Variants in PCDH9 observed in about 807,000 individuals in gnomAD.
PCDH9 encodes the protein protocadherin-9.
In PCDH9, 24 loss-of-function variants were observed where a neutral mutation model predicts 70.6. The observed-to-expected ratio is 0.34, with a 90% CI of 0.25 to 0.48. PCDH9 has a LOEUF of 0.48. Ranked by LOEUF, PCDH9 falls within the 20% of genes least tolerant of loss-of-function variation. The pLI is 0.99. For synonymous variants in PCDH9, 562 were observed against 558.5 expected (o/e 1.01, Z -0.09); for missense variants, 1,281 against 1,503.6 (o/e 0.85, Z 2.45).
chr13:66,352,291 G>A (rs560710834), intron 4 of PCDH9, among the ~76,000 whole-genome samples: 14 of 152,242 alleles, frequency 9.2e-5, no homozygotes, highest in East Asian at 1.9e-4. Flanking sequence ...AATTCAGAGG[G>A]TTTTTTGACA....
At chr13:66,956,860 C>T (rs536983317) in intron 2 of PCDH9, among the ~76,000 whole-genome samples, 1 of 152,256 alleles carries the variant, frequency 6.6e-6, no homozygotes, top group East Asian at 1.9e-4. Context: ...CTTCCCCTCT[C>T]CCCCCACCAA....
At chr13:66,762,676 T>C (rs1000400136) in intron 3 of PCDH9, among the ~76,000 whole-genome samples, 2 of 152,030 alleles carry the variant, frequency 1.3e-5, no homozygotes, top group African/African-American at 4.8e-5. Flanking sequence ...GATGTTTTGG[T>C]TGGGAGAATG....
chr13:66,316,713 AT>A (rs1955657934), intron 4 of PCDH9, among the ~76,000 whole-genome samples: 1 of 151,862 alleles, frequency 6.6e-6, no homozygotes, highest in South Asian at 2.1e-4. Flanking sequence ...TACTCAGTCA[AT>A]TTTTATCCTC....
intron 2 of PCDH9, among the ~76,000 whole-genome samples, chr13:67,025,382 T>A (rs2084759812): frequency 6.6e-6 from 1 of 152,142 alleles, no homozygotes; most frequent in South Asian, 2.1e-4. Context: ...TGTGTTTCCT[T>A]TTTCTTCATG....
rs528363912 is a variant in PCDH9 at position 66,518,996 on chromosome 13, C to T, written c.3340+112214G>A. Among the ~76,000 whole-genome samples the T allele has an allele frequency of 3.9e-5, 6 of 152,266 alleles. No individual in the cohort carries two copies. In the South Asian group the frequency reaches 1.0e-3, roughly 26 times the overall value. ...AGTCCGGTGTCCCAGATATAATATACATTTTCTCTGGATTCACGTGGAAAG... is the reference window on the plus strand; with the variant it reads ...AGTCCGGTGTCCCAGATATAATATATATTTTCTCTGGATTCACGTGGAAAG... On this transcript the variant is annotated intron_variant, in intron 4 of 4. Coordinates refer to ENST00000377865, the MANE Select transcript of PCDH9 (RefSeq NM_203487.3).
chr13:66,775,959 T>G (rs2079885529), intron 3 of PCDH9, among the ~76,000 whole-genome samples: 2 of 152,136 alleles, frequency 1.3e-5, no homozygotes, highest in Admixed American at 6.5e-5. Flanking sequence ...AATATAAAGG[T>G]GTTTCCATCC....
chr13:66,341,529 C>A (rs1956124652), intron 4 of PCDH9, among the ~76,000 whole-genome samples: 1 of 152,164 alleles, frequency 6.6e-6, no homozygotes, highest in East Asian at 1.9e-4. Context: ...CCAGCCCCCA[C>A]CTCAGATCTC....
At chr13:67,112,570 T>G (rs2086677902) in intron 2 of PCDH9, among the ~76,000 whole-genome samples, 1 of 152,202 alleles carries the variant, frequency 6.6e-6, no homozygotes, top group South Asian at 2.1e-4. Context: ...AAAGAATATG[T>G]GAAGCTACAC....
intron 2 of PCDH9, among the ~76,000 whole-genome samples, chr13:66,966,488 A>T (rs889373777): frequency 4.6e-5 from 7 of 152,142 alleles, no homozygotes; most frequent in Non-Finnish European, 1.0e-4. Context: ...GCTGCCAATA[A>T]GGAGGATGTT....
intron 4 of PCDH9, among the ~76,000 whole-genome samples, chr13:66,343,921 G>T (rs982447697): frequency 2.0e-5 from 3 of 152,014 alleles, no homozygotes; most frequent in African/African-American, 7.2e-5. Context: ...TCTCAATTTT[G>T]CCTAATATAT....
At chr13:66,342,476 GGATA>G (rs1956144894) in intron 4 of PCDH9, among the ~76,000 whole-genome samples, 1 of 152,142 alleles carries the variant, frequency 6.6e-6, no homozygotes, top group African/African-American at 2.4e-5. Context: ...CCTTATAACA[GGATA>G]GTTACTATTA....
intron 2 of PCDH9, among the ~76,000 whole-genome samples, chr13:67,057,949 T>C (rs924028715): frequency 7.1e-6 from 1 of 141,112 alleles, no homozygotes. Flanking sequence ...TAATTATAAA[T>C]GTGTAATTAA....
intron 3 of PCDH9, among the ~76,000 whole-genome samples, chr13:66,860,466 C>T (rs1026788395): frequency 2.8e-4 from 43 of 152,282 alleles, no homozygotes; most frequent in African/African-American, 9.6e-4. Context: ...TTGTGGGAGG[C>T]TCCCGTCAGT....
intron 3 of PCDH9, among the ~76,000 whole-genome samples, chr13:66,721,796 C>T (rs2078944625): frequency 6.6e-6 from 1 of 152,138 alleles, no homozygotes; most frequent in Admixed American, 6.5e-5. Flanking sequence ...ACTTTCTAAA[C>T]ACATTGAATC....
At chr13:66,659,142 GATA>G (rs1301790827) in intron 3 of PCDH9, among the ~76,000 whole-genome samples, 5 of 152,026 alleles carry the variant, frequency 3.3e-5, no homozygotes, top group African/African-American at 7.2e-5. Context: ...TTAAAGAAAT[GATA>G]ATAATAACAA....
chr13:66,502,442 A>G (rs9317593), intron 4 of PCDH9, among the ~76,000 whole-genome samples: 124,085 of 152,010 alleles, frequency 0.82, 51,121 homozygotes, highest in East Asian at 1. Flanking sequence ...CTTAAAGTTC[A>G]TTTTATTAGA....
At chr13:66,647,764 T>C (rs757317388) in intron 3 of PCDH9, among the ~76,000 whole-genome samples, 24 of 152,094 alleles carry the variant, frequency 1.6e-4, no homozygotes, top group Non-Finnish European at 3.1e-4. Flanking sequence ...GGTTCTCTGA[T>C]TTCAGGCATT....
chr13:66,891,534 G>C (rs896435468), intron 3 of PCDH9, among the ~76,000 whole-genome samples: 2 of 152,028 alleles, frequency 1.3e-5, no homozygotes, highest in Non-Finnish European at 2.9e-5. Flanking sequence ...ATTTTAGATA[G>C]ATGTTATGTC....
intron 4 of PCDH9, among the ~76,000 whole-genome samples, chr13:66,384,332 C>CA (rs985996970): frequency 5.3e-5 from 8 of 151,980 alleles, no homozygotes; most frequent in South Asian, 2.1e-4. Flanking sequence ...TTAGGGTTTA[C>CA]AAAAAATTCA....
Sources: gnomAD v4.1 joint callset for allele counts (sites outside exome capture counted in the v4.1 genomes callset) on GRCh38, gnomAD v4.1.1 for gene constraint, MANE v1.5 for transcripts, NCBI Gene and HGNC (gene_info 2026-07-23, HGNC 2026-07-21) for gene names.